Variants in CACNA1A observed in about 807,000 individuals in gnomAD.
CACNA1A encodes the protein voltage-dependent P/Q-type calcium channel subunit alpha-1A.
Under a neutral mutation model 262.4 loss-of-function variants are expected in CACNA1A, and 57 were observed. That is an observed-to-expected ratio of 0.22 (90% CI 0.18 to 0.27). The LOEUF is 0.27. Ranked by LOEUF, CACNA1A falls within the 10% of genes least tolerant of loss-of-function variation. CACNA1A has a pLI of 1.00. For synonymous variants in CACNA1A, 1,431 were observed against 1,419.3 expected, an observed-to-expected ratio of 1.01 and a Z score of -0.18; for missense variants, 2,526 against 3,562.8, an observed-to-expected ratio of 0.71 and a Z score of 7.41.
At chr19:13,242,658 GC>G (rs1422269352) in intron 31 of CACNA1A, among the ~76,000 whole-genome samples, 2 of 152,028 alleles carry the variant, frequency 1.3e-5, no homozygotes, top group Admixed American at 1.3e-4. Flanking sequence ...CTCTATGGGA[GC>G]AGACACTCTG....
At chr19:13,447,390 A>T (rs1163574993) in intron 3 of CACNA1A, among the ~76,000 whole-genome samples, 1 of 152,184 alleles carries the variant, frequency 6.6e-6, no homozygotes, top group Non-Finnish European at 1.5e-5. Context: ...AAGCAGGGAG[A>T]TACAAACACA....
intron 23 of CACNA1A, among the ~76,000 whole-genome samples, chr19:13,276,807 G>A (rs891680759): frequency 2.0e-5 from 3 of 151,764 alleles, no homozygotes; most frequent in African/African-American, 7.3e-5. Flanking sequence ...GCAGCCTAGG[G>A]TTCAAGTGAT....
At chr19:13,447,322 G>A (rs1252505359) in intron 3 of CACNA1A, among the ~76,000 whole-genome samples, 1 of 152,196 alleles carries the variant, frequency 6.6e-6, no homozygotes, top group Non-Finnish European at 1.5e-5. Context: ...CTAGAGGAAT[G>A]AGTCTAGAAT....
intron 3 of CACNA1A, chr19:13,451,984 G>A (rs993966336): frequency 6.6e-6 from 1 of 151,952 alleles, no homozygotes; most frequent in East Asian, 1.9e-4. Context: ...CACCATGCCT[G>A]GTTAATTTTT....
chr19:13,333,432 C>T (rs12460646), intron 8 of CACNA1A, among the ~76,000 whole-genome samples: 2 of 151,884 alleles, frequency 1.3e-5, no homozygotes, highest in Admixed American at 6.6e-5. Context: ...CCTCTAACTT[C>T]CTACTCTTTT....
intron 3 of CACNA1A, 83 bp from the exon 4 acceptor site, chr19:13,371,862 C>G (rs1181617959): frequency 9.9e-7 from 1 of 1,010,202 alleles, no homozygotes; most frequent in African/African-American, 1.6e-5. Flanking sequence ...GGATTCCAAG[C>G]TGTCCTGTAT....
intron 19 of CACNA1A, among the ~76,000 whole-genome samples, chr19:13,291,051 C>T (rs960402306): frequency 2.6e-5 from 4 of 152,224 alleles, no homozygotes; most frequent in Non-Finnish European, 5.9e-5. Context: ...GGTTTCATTT[C>T]CAAAGTGTCT....
At chr19:13,368,533 G>T (rs912137507) in intron 4 of CACNA1A, among the ~76,000 whole-genome samples, 1 of 152,076 alleles carries the variant, frequency 6.6e-6, no homozygotes. Flanking sequence ...ATTAACTCAG[G>T]TCTGAACGAT....
rs1220850305 is a variant in CACNA1A at position 13,307,605 on chromosome 19, T to G, written c.1986+177A>C. On this transcript the variant is annotated intron_variant, in intron 15 of 46. Transcript: ENST00000360228. ...TATCTTTCCAATGACATTCATCTCC[T>G]GATCTGTTGGCCTCACCATAATTGA... The G allele has an allele frequency of 2.3e-5, 14 of 596,686 alleles. No individual in the cohort carries two copies. In the East Asian group the frequency reaches 3.9e-4, roughly 17 times the overall value. The allele number at this position is 596,686 out of a possible 1,614,324, so 37.0% of individuals were successfully genotyped here. A position where few individuals can be genotyped will look rare whatever the true frequency, so the allele number is the denominator to read the frequency against.
intron 24 of CACNA1A, 94 bp downstream of exon 24, chr19:13,275,756 C>A (rs1323305300): frequency 4.6e-6 from 4 of 871,456 alleles, no homozygotes; most frequent in Non-Finnish European, 3.8e-6. Flanking sequence ...CACCCCATCC[C>A]TAGACCCTGA....
At chr19:13,314,049 C>A (rs2058082582) in intron 11 of CACNA1A, among the ~76,000 whole-genome samples, 1 of 152,084 alleles carries the variant, frequency 6.6e-6, no homozygotes, top group Admixed American at 6.6e-5. Flanking sequence ...CATAAAATTG[C>A]AAATGCCTCA....
At position 13,413,895 on chromosome 19, in the gene CACNA1A, A is replaced by AAAGAAAAGAAAAGAAAAG. The variant is rs2060168175; in HGVS notation, c.539+38980_539+38981insCTTTTCTTTTCTTTTCTT. Among the ~76,000 whole-genome samples, 139 of 119,220 alleles carry AAAGAAAAGAAAAGAAAAG rather than the reference A, an allele frequency of 1.2e-3. 4 individuals are homozygous for AAAGAAAAGAAAAGAAAAG. The highest frequency in any genetic ancestry group is 5.4e-3 in the African/African-American group (132 of 24,646). The allele number at this position is 119,220 out of a possible 152,430, so 78.2% of individuals were successfully genotyped here. Reference sequence around the variant, plus strand: ...GACTCTGTCAAGAAAGAAAGAAAGAAAAAGAAAGAAAGAAAGAAAGAAAGA... The same window carrying AAAGAAAAGAAAAGAAAAG: ...GACTCTGTCAAGAAAGAAAGAAAGAAAAGAAAAGAAAAGAAAAGAAAGAAAGAAAGAAAGAAAGAAAGA... On this transcript the variant is annotated intron_variant, in intron 3 of 46. Coordinates refer to ENST00000360228, the MANE Select transcript of CACNA1A (RefSeq NM_001127222.2).
At chr19:13,240,970 C>A (rs1273961187) in intron 31 of CACNA1A, among the ~76,000 whole-genome samples, 2 of 152,266 alleles carry the variant, frequency 1.3e-5, no homozygotes, top group East Asian at 3.8e-4. Flanking sequence ...GGCACACTGC[C>A]TGGCCTTCAG....
At chr19:13,457,722 G>A (rs575273288) in intron 1 of CACNA1A, among the ~76,000 whole-genome samples, 74 of 152,032 alleles carry the variant, frequency 4.9e-4, no homozygotes, top group Non-Finnish European at 6.6e-4. Context: ...GTGTGGTGGC[G>A]CATGCCTGTA....
chr19:13,455,007 C>T, intron 2 of CACNA1A, 100 bp downstream of exon 2: 1 of 666,074 alleles, frequency 1.5e-6, no homozygotes, highest in Middle Eastern at 3.6e-4. Flanking sequence ...TGGCTCTGGG[C>T]TCCAGGACTG....
chr19:13,208,010 C>T lies in CACNA1A; in HGVS notation c.6824G>A (p.Gly2275Asp), dbSNP rs2054632381. 1 of 1,321,048 alleles carries T rather than the reference C, an allele frequency of 7.6e-7. No homozygotes were observed. The highest frequency in any genetic ancestry group is 9.6e-7 in the Non-Finnish European group (1 of 1,040,304). The allele number at this position is 1,321,048 out of a possible 1,614,324, so 81.8% of individuals were successfully genotyped here. Residue 2275 changes from glycine to aspartate, a missense_variant, in exon 47 of 47, where the codon GGT becomes GAT. Physicochemically the swap from Gly to Asp is moderately conservative, Grantham distance 94 (BLOSUM62 -1). Coordinates refer to ENST00000360228, the MANE Select transcript of CACNA1A (RefSeq NM_001127222.2). ...VSGSPAPSTS[G>D]TSTPRRGRRQ... ...GCGGCCCCGCCGCGGAGTGCTGGTA[C>T]CAGATGTTGAGGGGGCTGGGCTTCC...
In CACNA1A at chr19:13,444,507, C is replaced by A. The variant is rs2060776317; in HGVS notation, c.539+8369G>T. ...GAGGTGTATGGTCAAGACACTGACC[C>A]CTCTGAGACTTGGTTTCCTCAACTA... On this transcript the variant is annotated intron_variant, in intron 3 of 46. Transcript: ENST00000360228. 2.0e-5 allele frequency among the ~76,000 whole-genome samples: 3 copies of A among 152,004 alleles called. No individual in the cohort carries two copies. In the South Asian group the frequency reaches 6.2e-4, roughly 32 times the overall value.
chr19:13,346,105 T>C (rs1209361258), intron 6 of CACNA1A, among the ~76,000 whole-genome samples: 1 of 152,196 alleles, frequency 6.6e-6, no homozygotes, highest in Admixed American at 6.5e-5. Context: ...GGTTTCGCCA[T>C]GTTGGCCAGG....
At chr19:13,462,327 G>A (rs1211397858) in intron 1 of CACNA1A, among the ~76,000 whole-genome samples, 1 of 152,144 alleles carries the variant, frequency 6.6e-6, no homozygotes, top group Non-Finnish European at 1.5e-5. Flanking sequence ...CCAGGTCATT[G>A]AGCTTGTGTG....
Sources: gnomAD v4.1 joint callset for allele counts (sites outside exome capture counted in the v4.1 genomes callset) on GRCh38, gnomAD v4.1.1 for gene constraint, MANE v1.5 for transcripts, NCBI Gene and HGNC (gene_info 2026-07-23, HGNC 2026-07-21) for gene names.